CCSER1: variants seen among roughly 807,000 people sequenced by gnomAD.
The protein encoded by CCSER1 is coiled-coil serine rich protein 1.
A neutral mutation model predicts 82.0 loss-of-function variants in CCSER1; 41 were observed. That is an observed-to-expected ratio of 0.50 (90% CI 0.39 to 0.65). CCSER1 has a LOEUF of 0.65. Ranked by LOEUF, CCSER1 falls within the 30% of genes least tolerant of loss-of-function variation. The pLI is 0.00. For missense variants in CCSER1, 1,119 were observed against 1,064.2 expected, an observed-to-expected ratio of 1.05 and a Z score of -0.72; for synonymous variants, 414 against 383.9, an observed-to-expected ratio of 1.08 and a Z score of -0.92.
intron 8 of CCSER1, among the ~76,000 whole-genome samples, chr4:90,876,239 A>G (rs1289031472): frequency 6.6e-6 from 1 of 152,114 alleles, no homozygotes; most frequent in East Asian, 1.9e-4. Context: ...GAATACTGAT[A>G]ATAATTCCAC....
intron 8 of CCSER1, among the ~76,000 whole-genome samples, chr4:90,845,816 A>T (rs996419897): frequency 2.6e-5 from 4 of 152,024 alleles, no homozygotes; most frequent in Non-Finnish European, 5.9e-5. Flanking sequence ...TGAAAAAAAA[A>T]AAAACCAGAT....
intron 4 of CCSER1, among the ~76,000 whole-genome samples, chr4:90,442,340 T>A (rs1442902935): frequency 6.6e-6 from 1 of 152,092 alleles, no homozygotes; most frequent in Non-Finnish European, 1.5e-5. Context: ...TCCATGGCAA[T>A]CAATGACTTT....
At chr4:91,329,823 A>G (rs1746821029) in intron 10 of CCSER1, among the ~76,000 whole-genome samples, 3 of 151,940 alleles carry the variant, frequency 2.0e-5, no homozygotes, top group Admixed American at 1.3e-4. Flanking sequence ...ACTCCTTGCT[A>G]GAGTTATAAT....
intron 10 of CCSER1, among the ~76,000 whole-genome samples, chr4:91,355,697 C>A (rs1453322938): frequency 6.6e-6 from 1 of 152,136 alleles, no homozygotes; most frequent in African/African-American, 2.4e-5. Context: ...ATGCGTGGAC[C>A]AGTCAGCTTC....
intron 7 of CCSER1, among the ~76,000 whole-genome samples, chr4:90,749,039 T>C (rs1259327832): frequency 6.6e-5 from 10 of 151,798 alleles, no homozygotes; most frequent in Admixed American, 3.3e-4. Context: ...CTCTTTAGTT[T>C]AATTAGATCC....
chr4:91,367,386 T>A (rs1242065585), intron 10 of CCSER1, among the ~76,000 whole-genome samples: 2 of 148,576 alleles, frequency 1.3e-5, no homozygotes, highest in Non-Finnish European at 3.0e-5. Context: ...GTTGTAAGGA[T>A]GAGATCCATG....
intron 3 of CCSER1, among the ~76,000 whole-genome samples, chr4:90,376,057 C>G (rs1487144378): frequency 1.3e-5 from 2 of 152,134 alleles, no homozygotes; most frequent in Non-Finnish European, 2.9e-5. Context: ...CAGGAATTAA[C>G]TTGCCTCTCT....
chr4:91,382,224 G>A (rs953700237), intron 10 of CCSER1, among the ~76,000 whole-genome samples: 8 of 152,162 alleles, frequency 5.3e-5, no homozygotes, highest in African/African-American at 1.9e-4. Flanking sequence ...CTTCACAGCT[G>A]TCAGACAGGG....
At chr4:90,483,834 T>A (rs1186878726) in intron 5 of CCSER1, among the ~76,000 whole-genome samples, 1 of 152,200 alleles carries the variant, frequency 6.6e-6, no homozygotes, top group Non-Finnish European at 1.5e-5. Context: ...CATTGGTGAA[T>A]CTGACAATTA....
intron 4 of CCSER1, among the ~76,000 whole-genome samples, chr4:90,430,226 A>G (rs1758086770): frequency 6.6e-6 from 1 of 151,932 alleles, no homozygotes; most frequent in Admixed American, 6.6e-5. Context: ...ATGCAAGTGA[A>G]TATTTATGTA....
intron 4 of CCSER1, among the ~76,000 whole-genome samples, chr4:90,422,646 CAG>C (rs1020153927): frequency 6.6e-6 from 1 of 151,216 alleles, no homozygotes; most frequent in Non-Finnish European, 1.5e-5. Flanking sequence ...GTTTCGAAAA[CAG>C]AAAAAAAAAC....
At chr4:91,369,661 C>CTTTT (rs573494038) in intron 10 of CCSER1, among the ~76,000 whole-genome samples, 3 of 73,418 alleles carry the variant, frequency 4.1e-5, no homozygotes, top group African/African-American at 5.7e-5. Context: ...TAATCTGTAG[C>CTTTT]TTTTTTTTTT....
chr4:91,489,461 T>C (rs1469133372), intron 10 of CCSER1, among the ~76,000 whole-genome samples: 1 of 152,250 alleles, frequency 6.6e-6, no homozygotes, highest in African/African-American at 2.4e-5. Flanking sequence ...AGTTAGATAG[T>C]CTTTGACATC....
At chr4:91,530,424 G>A (rs190121651) in intron 10 of CCSER1, among the ~76,000 whole-genome samples, 1 of 151,982 alleles carries the variant, frequency 6.6e-6, no homozygotes, top group Admixed American at 6.6e-5. Context: ...ATTCCCATCT[G>A]TTATATTATC....
At chr4:90,205,559 G>C (rs1738640825) in intron 1 of CCSER1, among the ~76,000 whole-genome samples, 1 of 152,142 alleles carries the variant, frequency 6.6e-6, no homozygotes, top group South Asian at 2.1e-4. Flanking sequence ...ACTTGATTGT[G>C]GTGGATAAGC....
At chr4:91,128,065 C>G (rs914189451) in intron 10 of CCSER1, among the ~76,000 whole-genome samples, 1 of 151,948 alleles carries the variant, frequency 6.6e-6, no homozygotes, top group African/African-American at 2.4e-5. Flanking sequence ...GCTGCTCCCC[C>G]ACATGCCACT....
At chr4:90,249,724 AT>A (rs1303110239) in intron 1 of CCSER1, among the ~76,000 whole-genome samples, 1 of 152,008 alleles carries the variant, frequency 6.6e-6, no homozygotes, top group Non-Finnish European at 1.5e-5. Context: ...TACCACATGT[AT>A]TTTTTTATTG....
chr4:91,500,147 C>T (rs1474127244), intron 10 of CCSER1, among the ~76,000 whole-genome samples: 2 of 151,844 alleles, frequency 1.3e-5, no homozygotes, highest in Non-Finnish European at 2.9e-5. Context: ...GTGTTGTAGG[C>T]GTTTTGGATT....
intron 6 of CCSER1, among the ~76,000 whole-genome samples, chr4:90,653,325 G>T (rs1006185393): frequency 6.6e-6 from 1 of 152,040 alleles, no homozygotes; most frequent in Non-Finnish European, 1.5e-5. Flanking sequence ...CTGCGCAGTG[G>T]TATCATGTGT....
Sources: allele counts gnomAD v4.1 joint callset (sites outside exome capture counted in the v4.1 genomes callset), GRCh38; gene constraint gnomAD v4.1.1; transcripts MANE v1.5; gene names NCBI Gene and HGNC (gene_info 2026-07-23, HGNC 2026-07-21).